ILDR1: variants seen among roughly 807,000 people sequenced by gnomAD.
ILDR1 encodes the protein immunoglobulin-like domain-containing receptor 1.
Under a neutral mutation model 62.4 loss-of-function variants are expected in ILDR1, and 56 were observed. The ratio of observed to expected loss-of-function variants is 0.90; its 90% CI spans 0.72 to 1.12. The LOEUF (loss-of-function observed/expected upper bound fraction) is 1.12, where lower values mean the gene tolerates loss of function less well. Among genes scored for constraint, ILDR1 ranks in the 50% most tolerant of loss-of-function variants. The probability of loss-of-function intolerance (pLI) is 0.00; values close to 1 mark genes in which losing one functional copy is unlikely to be tolerated. For synonymous variants in ILDR1, 284 were observed against 277.8 expected (o/e 1.02, Z -0.22); for missense variants, 736 against 710.6 (o/e 1.04, Z -0.41).
chr3:122,036,224 C>T, the ILDR1 span, among the ~76,000 whole-genome samples: 1 of 152,144 alleles, frequency 6.6e-6, no homozygotes, highest in Non-Finnish European at 1.5e-5. Context: ...AAGAGGTGAC[C>T]TTGCTGTTTC....
chr3:122,026,323 G>T (rs2071921050), upstream of ILDR1, among the ~76,000 whole-genome samples: 2 of 152,312 alleles, frequency 1.3e-5, no homozygotes, highest in East Asian at 1.9e-4. Context: ...TAAGGTGGGA[G>T]AACTGAGGGC....
intron 1 of ILDR1, among the ~76,000 whole-genome samples, chr3:122,012,956 C>A (rs2071725352): frequency 6.6e-6 from 1 of 152,156 alleles, no homozygotes; most frequent in Admixed American, 6.5e-5. Context: ...GGAAGGAGAC[C>A]TGTCACATGG....
the ILDR1 span, among the ~76,000 whole-genome samples, chr3:122,033,081 A>C: frequency 6.6e-6 from 1 of 152,250 alleles, no homozygotes; most frequent in Non-Finnish European, 1.5e-5. Context: ...GGATATGCCA[A>C]AGATTTTTCC....
At chr3:121,998,908 T>C (rs534916582) in intron 5 of ILDR1, among the ~76,000 whole-genome samples, 135 of 152,316 alleles carry the variant, frequency 8.9e-4, no homozygotes, top group African/African-American at 3.0e-3. Context: ...CAGATGAACA[T>C]GGATTCAACT....
chr3:122,022,681 C>G (rs2071879074), upstream of ILDR1, among the ~76,000 whole-genome samples: 1 of 152,180 alleles, frequency 6.6e-6, no homozygotes, highest in Admixed American at 6.5e-5. Flanking sequence ...CTTTGGGAGG[C>G]CGAGGCGGGT....
At chr3:122,022,389 C>T, upstream of ILDR1, 1 of 334,642 alleles carries the variant, frequency 3.0e-6, no homozygotes, top group Non-Finnish European at 5.4e-6. Context: ...AACACCGTCC[C>T]CCACCCCGCT....
At chr3:122,029,511 A>AAAATATATAT in the ILDR1 span, among the ~76,000 whole-genome samples, 3 of 139,496 alleles carry the variant, frequency 2.2e-5, no homozygotes, top group African/African-American at 8.5e-5. Context: ...GTCTAAAAAA[A>AAAATATATAT]ATATATATAT....
chr3:121,996,203 A>G (rs2071433379), intron 5 of ILDR1, among the ~76,000 whole-genome samples: 1 of 152,098 alleles, frequency 6.6e-6, no homozygotes, highest in Non-Finnish European at 1.5e-5. Context: ...GCTTCCTTCA[A>G]TCAGGGAGAA....
chr3:122,005,472 G>T (rs182931472), intron 2 of ILDR1, 79 bp from the exon 3 acceptor site: 1 of 1,486,480 alleles, frequency 6.7e-7, no homozygotes, highest in Non-Finnish European at 9.4e-7. Flanking sequence ...TGCTCCGGGC[G>T]TGAGACACAG....
At chr3:122,060,972 A>G in the ILDR1 span, among the ~76,000 whole-genome samples, 1 of 152,204 alleles carries the variant, frequency 6.6e-6, no homozygotes, top group East Asian at 1.9e-4. Context: ...AAGTATTAAA[A>G]CACTTTCTTA....
At chr3:121,990,164 G>A (rs1169034913) in intron 7 of ILDR1, among the ~76,000 whole-genome samples, 1 of 152,184 alleles carries the variant, frequency 6.6e-6, no homozygotes, top group Non-Finnish European at 1.5e-5. Context: ...AAGGCAGCCT[G>A]TGTAAGAAGC....
chr3:122,005,202 T>C, intron 3 of ILDR1, 42 bp downstream of exon 3: 1 of 1,216,408 alleles, frequency 8.2e-7, no homozygotes, highest in Non-Finnish European at 1.2e-6. Flanking sequence ...TGTCTGCACC[T>C]CCCCCCACCC....
At chr3:122,003,951 C>T (rs1261941733) in intron 3 of ILDR1, among the ~76,000 whole-genome samples, 2 of 151,866 alleles carry the variant, frequency 1.3e-5, no homozygotes, top group East Asian at 3.9e-4. Context: ...TTGAAGATGC[C>T]CCTGAAGACT....
At chr3:121,991,394 T>TTTG (rs1287353242) in intron 7 of ILDR1, among the ~76,000 whole-genome samples, 1 of 152,194 alleles carries the variant, frequency 6.6e-6, no homozygotes, top group Non-Finnish European at 1.5e-5. Context: ...CTTAACTTTT[T>TTTG]TTGTTGTTGT....
chr3:122,025,155 T>C (rs1352227362), upstream of ILDR1: 4 of 152,230 alleles, frequency 2.6e-5, no homozygotes, highest in Non-Finnish European at 5.9e-5. Context: ...TACCATGTAT[T>C]AAACACATTG....
chr3:122,022,259 A>C (rs2107683849), upstream of ILDR1: 1 of 515,532 alleles, frequency 1.9e-6, no homozygotes. Flanking sequence ...GCTCGTCCCC[A>C]CCTGCGGCGC....
In ILDR1 at chr3:121,988,400, G is replaced by A. The variant is rs1370470249; in HGVS notation, c.1608C>T (p.Asp536=). 6.2e-7 allele frequency: 1 copy of A among 1,613,488 alleles called. No individual in the cohort carries two copies. Among genetic ancestry groups the A allele is most frequent in the Non-Finnish European group, 8.5e-7 (1 of 1,179,464 alleles). The change falls in exon 8 of 8, where the codon GAC becomes GAT. Residue 536 remains aspartate (D), a synonymous_variant. Coordinates refer to ENST00000344209, the MANE Select transcript of ILDR1 (RefSeq NM_001199799.2). Reference sequence around the variant, plus strand: ...CCACACTCCTTCCACTATGAGAGCTGTCTTTCTCCTGGGAAATAGAAGAAT... The same window carrying A: ...CCACACTCCTTCCACTATGAGAGCTATCTTTCTCCTGGGAAATAGAAGAAT... The part of the protein sequence containing the change: ...KGSVERRSEK[D]SSHSGRSVVI
intron 5 of ILDR1, among the ~76,000 whole-genome samples, chr3:122,000,286 C>T (rs930662981): frequency 2.0e-5 from 3 of 148,506 alleles, no homozygotes; most frequent in African/African-American, 7.5e-5. Flanking sequence ...CAGAAATCAT[C>T]CCTACCTCCT....
chr3:122,057,272 A>G, the ILDR1 span, among the ~76,000 whole-genome samples: 639 of 152,326 alleles, frequency 4.2e-3, 11 homozygotes, highest in African/African-American at 0.015. Flanking sequence ...AGATATAATA[A>G]TACATGTTTG....
Sources: gnomAD v4.1 joint callset for allele counts (sites outside exome capture counted in the v4.1 genomes callset) on GRCh38, gnomAD v4.1.1 for gene constraint, MANE v1.5 for transcripts, NCBI Gene and HGNC (gene_info 2026-07-23, HGNC 2026-07-21) for gene names.